XPNPEP3: variants seen among roughly 807,000 people sequenced by gnomAD.
XPNPEP3 encodes the protein X-prolyl aminopeptidase 3, also known as xaa-Pro aminopeptidase 3.
XPNPEP3 carries 41 observed loss-of-function variants against 60.0 expected under a neutral mutation model. The ratio of observed to expected loss-of-function variants is 0.68; its 90% CI spans 0.53 to 0.89. The LOEUF (loss-of-function observed/expected upper bound fraction) is 0.89, where lower values mean the gene tolerates loss of function less well. XPNPEP3 is among the 40% of genes least tolerant of loss of function. XPNPEP3 has a pLI of 0.00. For missense variants in XPNPEP3, 598 were observed against 638.9 expected (o/e 0.94, Z 0.69); for synonymous variants, 212 against 223.2 (o/e 0.95, Z 0.45).
intron 4 of XPNPEP3, among the ~76,000 whole-genome samples, chr22:40,887,649 C>G (rs1029379641): frequency 1.3e-5 from 2 of 152,250 alleles, no homozygotes; most frequent in African/African-American, 4.8e-5. Flanking sequence ...GAGATTAGAG[C>G]TTTAACACAT....
intron 3 of XPNPEP3, among the ~76,000 whole-genome samples, chr22:40,885,999 GA>G (rs1368064354): frequency 2.6e-5 from 4 of 152,064 alleles, no homozygotes; most frequent in African/African-American, 4.8e-5. Flanking sequence ...AAGAGAGAGA[GA>G]AAGAGAGAAA....
intron 8 of XPNPEP3, among the ~76,000 whole-genome samples, chr22:40,923,214 A>T (rs1022326206): frequency 4.3e-5 from 6 of 138,686 alleles, no homozygotes; most frequent in African/African-American, 1.6e-4. Flanking sequence ...CCCTGTGTCT[A>T]AAAAAAAAAA....
At position 40,927,545 on chromosome 22, in the gene XPNPEP3, AATG is replaced by A. The variant is rs1258123952; in HGVS notation, c.*1115_*1117del. 3 of 151,958 alleles carry A rather than the reference AATG, an allele frequency of 2.0e-5. No individual in the cohort carries two copies. Among genetic ancestry groups the A allele is most frequent in the African/African-American group, 7.3e-5 (3 of 41,372 alleles). The allele number at this position is 151,958 out of a possible 1,614,324, so 9.4% of individuals were successfully genotyped here. The stretch of plus-strand genomic sequence containing the variant: ...CTCTTCAATTTAAAGTTGATTTCTT[AATG>A]ATGACTTCAAAAATTAATAAAAAGA... On this transcript the variant is annotated 3_prime_UTR_variant, in exon 10 of 10. Coordinates refer to ENST00000357137, the MANE Select transcript of XPNPEP3 (RefSeq NM_022098.4).
At chr22:40,863,045 G>A (rs999079171) in intron 1 of XPNPEP3, among the ~76,000 whole-genome samples, 14 of 152,218 alleles carry the variant, frequency 9.2e-5, no homozygotes, top group African/African-American at 3.1e-4. Flanking sequence ...CAGCCACATA[G>A]TGATCTAATA....
At chr22:40,870,003 A>G in intron 2 of XPNPEP3, 1 of 470,516 alleles carries the variant, frequency 2.1e-6, no homozygotes, top group South Asian at 1.6e-5. Context: ...GAATGATACC[A>G]GTATGTTTCT....
intron 1 of XPNPEP3, among the ~76,000 whole-genome samples, chr22:40,864,602 C>T (rs897173622): frequency 7.9e-5 from 12 of 152,000 alleles, no homozygotes; most frequent in East Asian, 1.9e-4. Context: ...TGCACCACCA[C>T]GCCCGGCTAA....
chr22:40,925,467 A>G (rs1453556026), intron 9 of XPNPEP3, among the ~76,000 whole-genome samples: 1 of 152,206 alleles, frequency 6.6e-6, no homozygotes, highest in Admixed American at 6.6e-5. Context: ...CTAGTCATAC[A>G]TTGCTATCTG....
chr22:40,898,054 G>A (rs544062923), intron 4 of XPNPEP3, among the ~76,000 whole-genome samples: 42 of 151,688 alleles, frequency 2.8e-4, no homozygotes, highest in African/African-American at 9.2e-4. Flanking sequence ...TATTCATAGC[G>A]TCCTTTAATG....
At position 40,886,562 on chromosome 22, in the gene XPNPEP3, A is replaced by G. The variant is rs1789832354; in HGVS notation, c.792+47A>G. The G allele has an allele frequency of 3.2e-6, 5 of 1,585,328 alleles. No individual in the cohort carries two copies. In the South Asian group the frequency reaches 4.4e-5, roughly 14 times the overall value. On this transcript the variant is annotated intron_variant, in intron 4 of 9. Coordinates refer to ENST00000357137, the MANE Select transcript of XPNPEP3 (RefSeq NM_022098.4). The stretch of plus-strand genomic sequence containing the variant: ...TTTTTCCAGCCGGGCGCGGTGGCTC[A>G]CGCCTGTAATCCAAGCACTTTGGGA...
intron 4 of XPNPEP3, among the ~76,000 whole-genome samples, chr22:40,896,139 A>G (rs1279300245): frequency 2.6e-5 from 4 of 152,180 alleles, no homozygotes; most frequent in African/African-American, 9.6e-5. Flanking sequence ...GTTTAATGAC[A>G]GGCAGTTGTG....
intron 2 of XPNPEP3, among the ~76,000 whole-genome samples, chr22:40,877,844 GGTTTAAA>G (rs2145781777): frequency 6.6e-6 from 1 of 152,214 alleles, no homozygotes; most frequent in Non-Finnish European, 1.5e-5. Flanking sequence ...TTACTCCTAG[GGTTTAAA>G]GGTCATTGCT....
intron 9 of XPNPEP3, among the ~76,000 whole-genome samples, chr22:40,925,206 G>A (rs1401872802): frequency 3.3e-5 from 5 of 152,104 alleles, no homozygotes; most frequent in Non-Finnish European, 5.9e-5. Flanking sequence ...AGTATCCATC[G>A]CCTTCCTCAT....
intron 6 of XPNPEP3, among the ~76,000 whole-genome samples, chr22:40,912,338 A>G (rs1171548887): frequency 6.6e-6 from 1 of 152,188 alleles, no homozygotes; most frequent in Non-Finnish European, 1.5e-5. Flanking sequence ...TGCAACTGTG[A>G]TAGTACCAAA....
At chr22:40,870,317 C>T (rs2057998763) in intron 2 of XPNPEP3, 2 of 268,874 alleles carry the variant, frequency 7.4e-6, no homozygotes, top group African/African-American at 4.6e-5. Flanking sequence ...AGGCCTTAAA[C>T]CTAGTAATTA....
intron 1 of XPNPEP3, among the ~76,000 whole-genome samples, chr22:40,865,427 C>G (rs1287030476): frequency 6.7e-6 from 1 of 150,092 alleles, no homozygotes; most frequent in African/African-American, 2.5e-5. Flanking sequence ...TTCCCAGGTT[C>G]AAGCCATTCT....
intron 2 of XPNPEP3, among the ~76,000 whole-genome samples, chr22:40,872,005 C>T (rs943575578): frequency 2.0e-5 from 3 of 152,174 alleles, no homozygotes; most frequent in African/African-American, 7.2e-5. Context: ...TGCACTCCAG[C>T]TTGGGCAACA....
rs1967348648 is a variant in XPNPEP3, at chr22:40,931,949, T to A, written c.*5514T>A. On this transcript the variant is annotated 3_prime_UTR_variant, in exon 10 of 10. Coordinates refer to ENST00000357137, the MANE Select transcript of XPNPEP3 (RefSeq NM_022098.4). ...AACCTCCATCTAAAGACATTGCAAC[T>A]TATTAAAACAGAAAAATGTACCTTT... is the stretch of plus-strand genomic sequence containing the variant. 1 of 152,178 alleles carries A rather than the reference T, an allele frequency of 6.6e-6. No individual in the cohort carries two copies. Among genetic ancestry groups the A allele is most frequent in the Admixed American group, 6.6e-5 (1 of 15,256 alleles). 9.4% of individuals were successfully genotyped at this position (152,178 alleles called of 1,614,324 possible).
chr22:40,861,758 A>G, intron 1 of XPNPEP3: 1 of 1,613,446 alleles, frequency 6.2e-7, no homozygotes, highest in Middle Eastern at 1.7e-4. Context: ...CATCATCAAA[A>G]TGACTTCCAC....
chr22:40,880,400 G>T (rs2058042792), intron 2 of XPNPEP3, among the ~76,000 whole-genome samples: 1 of 151,420 alleles, frequency 6.6e-6, no homozygotes, highest in South Asian at 2.1e-4. Context: ...AAAAGAGTGT[G>T]TAGTGTCCCA....
Sources: gnomAD v4.1 joint callset for allele counts (sites outside exome capture counted in the v4.1 genomes callset) on GRCh38, gnomAD v4.1.1 for gene constraint, MANE v1.5 for transcripts, NCBI Gene and HGNC (gene_info 2026-07-23, HGNC 2026-07-21) for gene names.